The following ADAM12 variants were observed in gnomAD, a reference collection of about 807,000 sequenced individuals.
ADAM12 encodes the protein disintegrin and metalloproteinase domain-containing protein 12.
Under a neutral mutation model 106.4 loss-of-function variants are expected in ADAM12, and 70 were observed. That is an observed-to-expected ratio of 0.66 (90% CI 0.54 to 0.80). The LOEUF (loss-of-function observed/expected upper bound fraction) is 0.80. Ranked by LOEUF, ADAM12 falls within the 30% of genes least tolerant of loss-of-function variation. ADAM12 has a pLI of 0.00. For missense variants in ADAM12, 1,010 were observed against 1,171.9 expected, an observed-to-expected ratio of 0.86 and a Z score of 2.02; for synonymous variants, 420 against 433.5, an observed-to-expected ratio of 0.97 and a Z score of 0.39.
intron 21 of ADAM12, among the ~76,000 whole-genome samples, chr10:126,022,544 GAACCCATGA>G (rs1224806535): frequency 6.6e-6 from 1 of 152,214 alleles, no homozygotes; most frequent in Non-Finnish European, 1.5e-5. Context: ...TGGAGGTGTG[GAACCCATGA>G]TGCAAGAAGC....
chr10:126,185,839 C>T (rs1957390868), intron 3 of ADAM12, among the ~76,000 whole-genome samples: 1 of 152,162 alleles, frequency 6.6e-6, no homozygotes, highest in South Asian at 2.1e-4. Context: ...AGAGCACATT[C>T]TCCTGGCCCC....
intron 2 of ADAM12, among the ~76,000 whole-genome samples, chr10:126,294,988 G>A (rs1008159500): frequency 6.6e-6 from 1 of 151,790 alleles, no homozygotes; most frequent in African/African-American, 2.4e-5. Context: ...AATGGAATAA[G>A]GAAATCCAAA....
intron 14 of ADAM12, among the ~76,000 whole-genome samples, chr10:126,060,116 A>C (rs7072769): frequency 0.029 from 4,351 of 152,334 alleles, 200 homozygotes; most frequent in African/African-American, 0.099. Flanking sequence ...TATCAACAAC[A>C]AAAACAATTA....
In ADAM12 at chr10:126,038,350, C is replaced by T; in HGVS notation, c.2241-1G>A. ...GGGTGGCCGGGAAGGGCGCACACAC[C>T]TGCAACAGAATCCCATACCTGCTGA... On this transcript the variant is annotated splice_acceptor_variant, in intron 19 of 22. Coordinates refer to ENST00000448723, the MANE Select transcript of ADAM12 (RefSeq NM_001288973.2). LOFTEE classifies it high-confidence loss of function. 1 of 1,577,506 alleles carries T rather than the reference C, an allele frequency of 6.3e-7. No individual in the cohort carries two copies. Among genetic ancestry groups the T allele is most frequent in the Non-Finnish European group, 8.6e-7 (1 of 1,160,436 alleles).
At chr10:126,366,792 G>A (rs1273415949) in intron 1 of ADAM12, among the ~76,000 whole-genome samples, 2 of 152,118 alleles carry the variant, frequency 1.3e-5, no homozygotes, top group Non-Finnish European at 2.9e-5. Context: ...ATCAATGTTA[G>A]TCAAAGTGGA....
chr10:126,128,685 GGTGT>G (rs758012241), intron 5 of ADAM12, among the ~76,000 whole-genome samples: 1 of 148,472 alleles, frequency 6.7e-6, no homozygotes. Context: ...GCGAGTGTGT[GGTGT>G]GTGTGTGGGA....
At chr10:126,028,396 G>A (rs1022077296) in intron 21 of ADAM12, among the ~76,000 whole-genome samples, 38 of 152,002 alleles carry the variant, frequency 2.5e-4, no homozygotes, top group African/African-American at 8.7e-4. Flanking sequence ...GAGGCATCAC[G>A]CTACCTGACT....
intron 3 of ADAM12, among the ~76,000 whole-genome samples, chr10:126,220,898 C>T (rs1958078042): frequency 6.6e-6 from 1 of 152,242 alleles, no homozygotes; most frequent in Admixed American, 6.5e-5. Context: ...TGCCTTGGGG[C>T]AGGGAAACCC....
chr10:126,063,584 G>A (rs1057159618), intron 14 of ADAM12, among the ~76,000 whole-genome samples: 19 of 152,294 alleles, frequency 1.2e-4, no homozygotes, highest in African/African-American at 4.1e-4. Context: ...GGGCCTGGCC[G>A]ACCACAAGAG....
At chr10:126,106,158 A>G (rs1955762980) in intron 8 of ADAM12, among the ~76,000 whole-genome samples, 1 of 152,092 alleles carries the variant, frequency 6.6e-6, no homozygotes, top group African/African-American at 2.4e-5. Context: ...CTGCTTGGTC[A>G]TCATGAGGTC....
chr10:126,173,041 G>A (rs1167187908), intron 3 of ADAM12, among the ~76,000 whole-genome samples: 7 of 152,166 alleles, frequency 4.6e-5, no homozygotes. Flanking sequence ...TCACTCATAA[G>A]TGGGAGTTGA....
chr10:126,300,372 T>C (rs752543648), intron 2 of ADAM12, among the ~76,000 whole-genome samples: 2 of 152,190 alleles, frequency 1.3e-5, no homozygotes, highest in Non-Finnish European at 2.9e-5. Context: ...ATAGTATCCA[T>C]GGGGCTCTGC....
chr10:126,086,680 A>ATATATATATATAT (rs1472519666), intron 11 of ADAM12, among the ~76,000 whole-genome samples: 1 of 24,274 alleles, frequency 4.1e-5, no homozygotes, highest in African/African-American at 3.3e-4. Context: ...AAAAAAAAAA[A>ATATATATATATAT]ATATATATAT....
intron 2 of ADAM12, among the ~76,000 whole-genome samples, chr10:126,284,138 G>C (rs1959726941): frequency 6.6e-6 from 1 of 151,950 alleles, no homozygotes. Context: ...TTTGAGACCA[G>C]CCTGGCCAAT....
chr10:126,335,132 G>C (rs1236217729), intron 1 of ADAM12, among the ~76,000 whole-genome samples: 1 of 152,146 alleles, frequency 6.6e-6, no homozygotes, highest in Non-Finnish European at 1.5e-5. Flanking sequence ...CACACTATTG[G>C]TGCAAAAATC....
rs1440247262 is a variant in ADAM12 at position 126,121,271 on chromosome 10, T to C, written c.417-3047A>G. 2.2e-4 allele frequency among the ~76,000 whole-genome samples: 24 copies of C among 110,098 alleles called. No homozygotes were observed. The East Asian group carries it at 5.8e-3, about 27-fold the overall frequency. The allele number at this position is 110,098 out of a possible 152,430, so 72.2% of individuals were successfully genotyped here. Reference sequence around the variant, plus strand: ...TATATACATACTATATATTATATAATATATAATATACTATATTATATTATA... The same window carrying C: ...TATATACATACTATATATTATATAACATATAATATACTATATTATATTATA... On this transcript the variant is annotated intron_variant, in intron 5 of 22. Transcript: ENST00000448723.
At chr10:126,086,706 T>TATATATATATATATATATATATATAA (rs1421464288) in intron 11 of ADAM12, among the ~76,000 whole-genome samples, 2 of 65,196 alleles carry the variant, frequency 3.1e-5, no homozygotes, top group African/African-American at 1.2e-4. Context: ...TATATATATA[T>TATATATATATATATATATATATATAA]AAAATAAAAT....
At position 126,178,766 on chromosome 10, in the gene ADAM12, G is replaced by T. The variant is rs200109259; in HGVS notation, c.261-23461C>A. ...CAGCTGTCAAAATCCACTCAAGCAG[G>T]CCGGGCGCAGTGGCTCACGCCTGTA... On this transcript the variant is annotated intron_variant, in intron 3 of 22. Coordinates refer to ENST00000448723, the MANE Select transcript of ADAM12 (RefSeq NM_001288973.2). Among the ~76,000 whole-genome samples, 4 of 152,110 alleles carry T rather than the reference G, an allele frequency of 2.6e-5. No individual in the cohort carries two copies. In the East Asian group the frequency reaches 7.8e-4, roughly 30 times the overall value.
At chr10:126,233,781 G>A (rs1457250929) in intron 3 of ADAM12, among the ~76,000 whole-genome samples, 1 of 152,150 alleles carries the variant, frequency 6.6e-6, no homozygotes, top group Non-Finnish European at 1.5e-5. Context: ...CACCTGAATT[G>A]GAAATGCGCT....
Sources: gnomAD v4.1 joint callset for allele counts (sites outside exome capture counted in the v4.1 genomes callset) on GRCh38, gnomAD v4.1.1 for gene constraint, MANE v1.5 for transcripts, NCBI Gene and HGNC (gene_info 2026-07-23, HGNC 2026-07-21) for gene names.